Variants in ITIH6 observed in about 807,000 individuals in gnomAD.
ITIH6 encodes the protein inter-alpha-trypsin inhibitor heavy chain family member 6.
ITIH6 carries 60 observed loss-of-function variants against 58.2 expected under a neutral mutation model. That is an observed-to-expected ratio of 1.03 (90% confidence interval 0.84 to 1.28). The LOEUF (loss-of-function observed/expected upper bound fraction) is 1.28, where lower values mean the gene tolerates loss of function less well. Ranked by LOEUF, ITIH6 falls within the 50% of genes most tolerant of loss-of-function variation. The probability of loss-of-function intolerance (pLI) is 0.00; values close to 1 mark genes in which losing one functional copy is unlikely to be tolerated. For synonymous variants in ITIH6, 493 were observed against 417.4 expected (o/e 1.18, Z -2.21); for missense variants, 1,290 against 1,021.1 (o/e 1.26, Z -3.59).
In ITIH6 at chrX:54,769,638, G is replaced by C. The variant is rs1332306139; in HGVS notation, c.903+4443C>G. On this transcript the variant is annotated intron_variant, in intron 6 of 12. Transcript: ENST00000218436. ...TGCAGGTCTGTTGGAATGCCCTGCC[G>C]TGTGAGGTGTCAGTGTGCCCCTGCT... 3.2e-4 allele frequency among the ~76,000 whole-genome samples: 33 copies of C among 101,581 alleles called. 2 individuals carry two copies. Among genetic ancestry groups the C allele is most frequent in the African/African-American group, 1.1e-3 (29 of 26,475 alleles). 88.2% of individuals were successfully genotyped at this position (101,581 alleles called of 115,157 possible). A position where few individuals can be genotyped will look rare whatever the true frequency, so the allele number is the denominator to read the frequency against.
chrX:54,788,039 A>G (rs1929272613), intron 5 of ITIH6, among the ~76,000 whole-genome samples: 1 of 111,259 alleles, frequency 9.0e-6, no homozygotes, highest in Non-Finnish European at 1.9e-5. Context: ...TCAGAACTGA[A>G]GGACTCTCTG....
intron 3 of ITIH6, 114 bp downstream of exon 3, chrX:54,791,812 A>C (rs1273222644): frequency 9.1e-6 from 4 of 441,535 alleles, no homozygotes; most frequent in South Asian, 9.0e-5. Context: ...TGTGAAGTAG[A>C]GGTCATGTCC....
chrX:54,785,676 G>A (rs1271482486), intron 5 of ITIH6, among the ~76,000 whole-genome samples: 1 of 111,299 alleles, frequency 9.0e-6, no homozygotes, highest in African/African-American at 3.3e-5. Context: ...TTCTCCTACC[G>A]CCTCTGTCTG....
At position 54,797,045 on chromosome X, in the gene ITIH6, G is replaced by C; in HGVS notation, c.154C>G (p.His52Asp). 1 of 1,209,525 alleles carries C rather than the reference G, an allele frequency of 8.3e-7. No individual in the cohort carries two copies. Residue 52 changes from histidine (H) to aspartate (D), a missense_variant, in exon 2 of 13, where the codon CAC becomes GAC. Coordinates refer to ENST00000218436, the MANE Select transcript of ITIH6 (RefSeq NM_198510.3). ...AACAGGACAGAGGTGACCAAGGTGT[G>C]GGCATAGCGAGACACCACCGTGGAG... Reference protein sequence around the residue: ...MRSTVVSRYAHTLVTSVLFNP... With the variant: ...MRSTVVSRYADTLVTSVLFNP...
rs1211488404 is a variant in ITIH6, at chrX:54,768,347, C to T, written c.903+5734G>A. Among the ~76,000 whole-genome samples, 5 of 83,881 alleles carry T rather than the reference C, an allele frequency of 6.0e-5. 1 individual carries two copies. The highest frequency in any genetic ancestry group is 1.4e-3 in the South Asian group (2 of 1,419). 72.8% of individuals were successfully genotyped at this position (83,881 alleles called of 115,157 possible). On this transcript the variant is annotated intron_variant, in intron 6 of 12. Coordinates refer to ENST00000218436, the MANE Select transcript of ITIH6 (RefSeq NM_198510.3). ...TGATGGGTCTTGACTCTTTATCCAA[C>T]TTGCCAGTCTGTGTCTTTTAATTGG...
intron 5 of ITIH6, among the ~76,000 whole-genome samples, chrX:54,777,681 T>C (rs1351153891): frequency 8.9e-6 from 1 of 112,450 alleles, no homozygotes; most frequent in African/African-American, 3.2e-5. Context: ...GAAAGAATTC[T>C]CCCAGATATT....
intron 6 of ITIH6, among the ~76,000 whole-genome samples, chrX:54,764,118 A>G (rs1452238504): frequency 9.0e-6 from 1 of 111,485 alleles, no homozygotes; most frequent in Admixed American, 9.6e-5. Flanking sequence ...ACAACCTACA[A>G]TTGGGTCTTA....
At chrX:54,796,683 C>CAAAA (rs11368671) in intron 2 of ITIH6, among the ~76,000 whole-genome samples, 1 of 78,418 alleles carries the variant, frequency 1.3e-5, no homozygotes, top group African/African-American at 4.5e-5. Flanking sequence ...GACTCCATGT[C>CAAAA]AAAAAAAAAA....
rs201294934 is a variant in ITIH6 at position 54,757,258 on chromosome X, C to A, written c.2816G>T (p.Arg939Met). 5.9e-6 allele frequency: 7 copies of A among 1,191,635 alleles called. No homozygotes were observed. Among genetic ancestry groups the A allele is most frequent in the Non-Finnish European group, 7.9e-6 (7 of 885,137 alleles). The change falls in exon 8 of 13, where the codon AGG becomes ATG. Residue 939 changes from arginine to methionine, a missense_variant. Coordinates refer to ENST00000218436, the MANE Select transcript of ITIH6 (RefSeq NM_198510.3). ...MPFTPTLPPG[R>M]FWHQYDLLPG... is the part of the protein sequence containing the mutation. ...GAGGAGGTCATACTGATGCCAGAAC[C>A]TTCCAGGGGGCAGAGTGGGAGTAAA... is the stretch of plus-strand genomic sequence containing the variant.
intron 6 of ITIH6, among the ~76,000 whole-genome samples, chrX:54,768,154 T>C: frequency 1.8e-5 from 1 of 56,562 alleles, no homozygotes. Context: ...AATGGCCTTC[T>C]TTGTCTCTTT....
At chrX:54,753,008 C>T (rs1255657059) in intron 11 of ITIH6, among the ~76,000 whole-genome samples, 1 of 112,390 alleles carries the variant, frequency 8.9e-6, no homozygotes, top group African/African-American at 3.2e-5. Flanking sequence ...GAAAGTTAGC[C>T]AAAACTTTAG....
At chrX:54,754,947 G>T in intron 9 of ITIH6, 70 bp downstream of exon 9, 1 of 828,986 alleles carries the variant, frequency 1.2e-6, no homozygotes, top group Non-Finnish European at 1.8e-6. Flanking sequence ...CTCCCACAAT[G>T]TCAATAAGAA....
At chrX:54,759,707 C>G (rs1252331610) in intron 7 of ITIH6, 49 bp downstream of exon 7, 1 of 1,068,083 alleles carries the variant, frequency 9.4e-7, no homozygotes, top group Admixed American at 2.7e-5. Context: ...TCAGGAATTT[C>G]CCATATCACC....
At chrX:54,765,892 T>C (rs1204265184) in intron 6 of ITIH6, among the ~76,000 whole-genome samples, 2 of 111,000 alleles carry the variant, frequency 1.8e-5, no homozygotes, top group African/African-American at 6.6e-5. Context: ...TTTGGTTCCA[T>C]ATGAACTTGA....
chrX:54,759,625 TTG>T (rs1011941565), intron 7 of ITIH6, 129 bp downstream of exon 7: 48 of 503,657 alleles, frequency 9.5e-5, no homozygotes, highest in Non-Finnish European at 1.4e-4. Flanking sequence ...AGGACCATAT[TTG>T]TGTGAAATGT....
chrX:54,771,838 AC>A (rs922596157), intron 6 of ITIH6, among the ~76,000 whole-genome samples: 6 of 111,954 alleles, frequency 5.4e-5, no homozygotes, highest in African/African-American at 1.6e-4. Context: ...TTAAAAAAAA[AC>A]AACAACAACA....
At chrX:54,781,520 A>T (rs932426736) in intron 5 of ITIH6, among the ~76,000 whole-genome samples, 7 of 112,340 alleles carry the variant, frequency 6.2e-5, no homozygotes, top group African/African-American at 2.3e-4. Context: ...ACAAATCAAA[A>T]CCACAATGAG....
In ITIH6 at chrX:54,774,208, A is replaced by C; in HGVS notation, c.787-11T>G. Reference sequence around the variant, plus strand: ...ATAGTCATCGTAAATCTGGACCAAAAAAAAAAAAAAAAAAGTAGAACCAAG... The same window carrying C: ...ATAGTCATCGTAAATCTGGACCAAACAAAAAAAAAAAAAAGTAGAACCAAG... On this transcript the variant is annotated splice_polypyrimidine_tract_variant and intron_variant, in intron 5 of 12. Transcript: ENST00000218436. 4.6e-6 allele frequency: 3 copies of C among 648,155 alleles called. No individual in the cohort carries two copies. The highest frequency in any genetic ancestry group is 4.3e-6 in the Non-Finnish European group (2 of 465,216). 53.4% of individuals were successfully genotyped at this position (648,155 alleles called of 1,213,427 possible). A position where few individuals can be genotyped will look rare whatever the true frequency, so the allele number is the denominator to read the frequency against.
intron 2 of ITIH6, among the ~76,000 whole-genome samples, chrX:54,792,411 C>T (rs1254396943): frequency 1.8e-5 from 2 of 111,775 alleles, no homozygotes; most frequent in African/African-American, 3.3e-5. Flanking sequence ...TATGTATTTA[C>T]AGTAATGTTT....
Sources: allele counts gnomAD v4.1 joint callset (sites outside exome capture counted in the v4.1 genomes callset), GRCh38; gene constraint gnomAD v4.1.1; transcripts MANE v1.5; gene names NCBI Gene and HGNC (gene_info 2026-07-23, HGNC 2026-07-21).